The following ZNF385C variants were observed in gnomAD, a reference collection of about 807,000 sequenced individuals.
ZNF385C encodes the protein CTD-2132N18.2.
A neutral mutation model predicts 35.4 loss-of-function variants in ZNF385C; 28 were observed. The ratio of observed to expected loss-of-function variants is 0.79; its 90% CI spans 0.59 to 1.08. The LOEUF is 1.08. Among genes scored for constraint, ZNF385C ranks in the 50% least tolerant of loss-of-function variants. The pLI is 0.00. For missense variants in ZNF385C, 605 were observed against 595.6 expected, an observed-to-expected ratio of 1.02 and a Z score of -0.16; for synonymous variants, 248 against 248.2, an observed-to-expected ratio of 1.00 and a Z score of 0.01.
intron 3 of ZNF385C, among the ~76,000 whole-genome samples, chr17:42,036,879 G>A (rs1430320368): frequency 6.6e-6 from 1 of 152,164 alleles, no homozygotes. Context: ...TGTGACTGAG[G>A]TGGAGTTTGC....
At chr17:42,036,129 G>A (rs1371207843) in intron 3 of ZNF385C, among the ~76,000 whole-genome samples, 1 of 151,934 alleles carries the variant, frequency 6.6e-6, no homozygotes, top group Admixed American at 6.6e-5. Flanking sequence ...CAAGTAGCTG[G>A]GACTACAGGT....
chr17:42,037,998 C>T, intron 2 of ZNF385C, 113 bp from the exon 3 acceptor site: 1 of 1,538,190 alleles, frequency 6.5e-7, no homozygotes. Context: ...CTGTGTCTCT[C>T]TTCACAGAGT....
intron 1 of ZNF385C, among the ~76,000 whole-genome samples, chr17:42,082,161 T>C (rs540430066): frequency 6.6e-6 from 1 of 152,292 alleles, no homozygotes; most frequent in East Asian, 1.9e-4. Context: ...GCCATCCTGT[T>C]CCATGGCGTG....
At chr17:42,038,444 A>C (rs2143618307) in intron 2 of ZNF385C, 2 of 191,246 alleles carry the variant, frequency 1.0e-5, no homozygotes, top group African/African-American at 2.4e-5. Context: ...TGCTTCCCCC[A>C]GGAGGTAAAT....
intron 3 of ZNF385C, 42 bp downstream of exon 3, chr17:42,037,695 C>G (rs1426312977): frequency 6.8e-7 from 1 of 1,469,446 alleles, no homozygotes; most frequent in Non-Finnish European, 9.0e-7. Context: ...TGCCCACCCA[C>G]AAGCTTGTGT....
chr17:42,046,024 C>T (rs1208024377), intron 2 of ZNF385C, among the ~76,000 whole-genome samples: 1 of 152,220 alleles, frequency 6.6e-6, no homozygotes, highest in African/African-American at 2.4e-5. Context: ...TCTCCCTCCT[C>T]TTTCCTTACT....
chr17:42,068,944 C>T lies in ZNF385C; in HGVS notation c.-2-5886G>A, dbSNP rs575812912. 3.0e-3 allele frequency among the ~76,000 whole-genome samples: 453 copies of T among 152,240 alleles called. 3 individuals carry two copies. The highest frequency in any genetic ancestry group is 2.8e-3 in the Non-Finnish European group (191 of 68,014). On this transcript the variant is annotated intron_variant, in intron 1 of 8. Transcript: ENST00000692273. The stretch of plus-strand genomic sequence containing the variant: ...TATCAGGCCCTGTGCCTCGCAGAGA[C>T]GGGCTACACCCTGGGTAGAAAGAGG...
intron 1 of ZNF385C, among the ~76,000 whole-genome samples, chr17:42,070,871 C>A (rs2053614615): frequency 6.6e-6 from 1 of 152,186 alleles, no homozygotes; most frequent in African/African-American, 2.4e-5. Flanking sequence ...CCTGAGGGGC[C>A]GTCAATGAGC....
At position 42,026,953 on chromosome 17, in the gene ZNF385C, T is replaced by G. The variant is rs782388410; in HGVS notation, c.1456A>C (p.Thr486Pro). Reference sequence around the variant, plus strand: ...GCAGGGCGGACAGCTCCTGCTGGGGTGCGAAACAGAGCTGGGCCCAGGATG... The same window carrying G: ...GCAGGGCGGACAGCTCCTGCTGGGGGGCGAAACAGAGCTGGGCCCAGGATG... Reference protein sequence around the residue: ...APILGPALFRTPAGAVRPATG... With the variant: ...APILGPALFRPPAGAVRPATG... The change falls in exon 9 of 9, where the codon ACC (threonine) becomes CCC (proline). Residue 486 changes from threonine (T) to proline (P), a missense_variant. Thr to Pro is a conservative substitution (Grantham distance 38). Coordinates refer to ENST00000692273, the MANE Select transcript of ZNF385C (RefSeq NM_001392013.1). 1 of 1,610,008 alleles carries G rather than the reference T, an allele frequency of 6.2e-7. No homozygotes were observed. The highest frequency in any genetic ancestry group is 1.3e-5 in the African/African-American group (1 of 74,652).
chr17:42,029,510 G>A (rs2052678870), intron 5 of ZNF385C, among the ~76,000 whole-genome samples: 2 of 152,216 alleles, frequency 1.3e-5, no homozygotes, highest in African/African-American at 4.8e-5. Flanking sequence ...CCTAAGGTCA[G>A]GAGTTCGAGA....
chr17:42,095,901 A>T lies in ZNF385C; in HGVS notation c.-3+2509T>A, dbSNP rs1284060392. 6.6e-6 allele frequency among the ~76,000 whole-genome samples: 1 copy of T among 152,172 alleles called. No individual in the cohort carries two copies. On this transcript the variant is annotated intron_variant, in intron 1 of 8. Transcript: ENST00000692273. This position sits in a 1 kb window ranked among gnomAD's most constrained non-coding sequence, Gnocchi z 4.4. ...CAAGGGGACAAATGGCGGCCCACAG[A>T]CATATGTCTAAATATTTAAAAGTTA...
Position 42,096,975 on chromosome 17 carries a change from T to TAA in ZNF385C, c.-3+1433_-3+1434dup, listed in dbSNP as rs58377119. On this transcript the variant is annotated intron_variant, in intron 1 of 8. Transcript: ENST00000692273. Reference sequence around the variant, plus strand: ...GGCACTCTTTCTAGCCAAGCTTAGCTAAAAAAAAAAAAAAAAAAACCCTTC... The same window carrying TAA: ...GGCACTCTTTCTAGCCAAGCTTAGCTAAAAAAAAAAAAAAAAAAAAACCCTTC... Among the ~76,000 whole-genome samples the TAA allele has an allele frequency of 8.4e-3, 749 of 89,096 alleles. 11 individuals are homozygous for TAA. Among genetic ancestry groups the TAA allele is most frequent in the African/African-American group, 0.027 (707 of 26,304 alleles). The allele number at this position is 89,096 out of a possible 152,430, so 58.5% of individuals were successfully genotyped here. A position where few individuals can be genotyped will look rare whatever the true frequency, so the allele number is the denominator to read the frequency against.
chr17:42,096,800 G>A (rs370987681), intron 1 of ZNF385C, among the ~76,000 whole-genome samples: 1 of 151,750 alleles, frequency 6.6e-6, no homozygotes, highest in Non-Finnish European at 1.5e-5. Context: ...GGGGCGGGGG[G>A]ACTCTCTCCC....
chr17:42,058,048 C>CCTG (rs2143816521), intron 2 of ZNF385C, among the ~76,000 whole-genome samples: 1 of 152,140 alleles, frequency 6.6e-6, no homozygotes, highest in Admixed American at 6.5e-5. Context: ...AGTGTGGGTT[C>CCTG]CTGCTGCTTC....
chr17:42,028,468 C>T, intron 6 of ZNF385C: 1 of 591,582 alleles, frequency 1.7e-6, no homozygotes, highest in Non-Finnish European at 2.9e-6. Context: ...CTGCCTTCCC[C>T]TTTGCTTTGA....
rs1555654249 is a variant in ZNF385C at position 42,026,975 on chromosome 17, G to A, written c.1434C>T (p.Ile478=). ...TAATTLFPAP[I]LGPALFRTPA... ...GGGTGCGAAACAGAGCTGGGCCCAG[G>A]ATGGGAGCCGGGAAGAGGGTAGTGG... is the stretch of plus-strand genomic sequence containing the variant. The change falls in exon 9 of 9, where the codon ATC becomes ATT. Residue 478 remains isoleucine, a synonymous_variant. Coordinates refer to ENST00000692273, the MANE Select transcript of ZNF385C (RefSeq NM_001392013.1). 3.1e-6 allele frequency: 5 copies of A among 1,611,960 alleles called. No homozygotes were observed. Among genetic ancestry groups the A allele is most frequent in the Non-Finnish European group, 4.2e-6 (5 of 1,178,842 alleles).
At chr17:42,067,543 A>G (rs2143880734) in intron 1 of ZNF385C, among the ~76,000 whole-genome samples, 1 of 152,136 alleles carries the variant, frequency 6.6e-6, no homozygotes, top group African/African-American at 2.4e-5. Context: ...CAGTCCCCAC[A>G]CTCAAGGGGC....
chr17:42,063,004 G>C lies in ZNF385C; in HGVS notation c.53C>G (p.Ser18Cys). The change falls in exon 2 of 9, where the codon TCT (serine) becomes TGT (cysteine). Residue 18 changes from serine to cysteine, a missense_variant. Coordinates refer to ENST00000692273, the MANE Select transcript of ZNF385C (RefSeq NM_001392013.1). Reference sequence around the variant, plus strand: ...CCGAGGGAGGCACTCAGCAGCTCCAGATATGGGGGTCTCCTTCTCAGCCGG... The same window carrying C: ...CCGAGGGAGGCACTCAGCAGCTCCACATATGGGGGTCTCCTTCTCAGCCGG... The part of the protein sequence containing the change: ...PPPAEKETPI[S>C]GAAECLPRPP... 1.5e-6 allele frequency: 1 copy of C among 686,868 alleles called. No individual in the cohort carries two copies. Among genetic ancestry groups the C allele is most frequent in the Non-Finnish European group, 2.6e-6 (1 of 378,204 alleles). The allele number at this position is 686,868 out of a possible 1,614,324, so 42.5% of individuals were successfully genotyped here. A position where few individuals can be genotyped will look rare whatever the true frequency, so the allele number is the denominator to read the frequency against.
intron 1 of ZNF385C, among the ~76,000 whole-genome samples, chr17:42,093,555 A>AT (rs1424014291): frequency 6.7e-6 from 1 of 149,192 alleles, no homozygotes; most frequent in Non-Finnish European, 1.5e-5. Flanking sequence ...TCAGCTCTTT[A>AT]TTTTTTTTAC....
Sources: gnomAD v4.1 joint callset for allele counts (sites outside exome capture counted in the v4.1 genomes callset) on GRCh38, gnomAD v4.1.1 for gene constraint, Gnocchi (gnomAD v3.1) non-coding constraint, MANE v1.5 for transcripts, NCBI Gene and HGNC (gene_info 2026-07-23, HGNC 2026-07-21) for gene names.